PDE11A: variants seen among roughly 807,000 people sequenced by gnomAD.
The protein encoded by PDE11A is phosphodiesterase 11A.
PDE11A carries 100 observed loss-of-function variants against 100.5 expected under a neutral mutation model. That is an observed-to-expected ratio of 1.00 (90% confidence interval 0.85 to 1.18). PDE11A has a LOEUF of 1.18. PDE11A is among the 50% of genes most tolerant of loss of function. PDE11A has a pLI of 0.00. For synonymous variants in PDE11A, 381 were observed against 420.8 expected, an observed-to-expected ratio of 0.91 and a Z score of 1.16; for missense variants, 1,141 against 1,152.6, an observed-to-expected ratio of 0.99 and a Z score of 0.15.
chr2:178,096,982 G>A (rs1000170308), intron 2 of PDE11A, among the ~76,000 whole-genome samples: 2 of 152,146 alleles, frequency 1.3e-5, no homozygotes, highest in Non-Finnish European at 1.5e-5. Flanking sequence ...TGCCTCTGGG[G>A]TTCAAGCAAT....
intron 1 of PDE11A, among the ~76,000 whole-genome samples, chr2:178,058,931 C>T (rs1174358934): frequency 6.6e-6 from 1 of 152,236 alleles, no homozygotes. Context: ...GTCTAGGCCT[C>T]ATTCCAGTCT....
At chr2:177,912,666 AT>A (rs964588705) in intron 2 of PDE11A, among the ~76,000 whole-genome samples, 1 of 151,340 alleles carries the variant, frequency 6.6e-6, no homozygotes, top group Non-Finnish European at 1.5e-5. Flanking sequence ...TTCTAAAATA[AT>A]TTTTTTTTCT....
At chr2:177,718,094 G>A (rs1017815700) in intron 12 of PDE11A, among the ~76,000 whole-genome samples, 1 of 152,222 alleles carries the variant, frequency 6.6e-6, no homozygotes, top group African/African-American at 2.4e-5. Context: ...GTAGATTTGA[G>A]AAGAGGCCTG....
At chr2:177,678,959 G>A (rs921923150) in intron 16 of PDE11A, among the ~76,000 whole-genome samples, 1 of 151,638 alleles carries the variant, frequency 6.6e-6, no homozygotes, top group Admixed American at 6.6e-5. Flanking sequence ...ATCCTTGGGG[G>A]ACAGTTCTGT....
rs114331591 is a variant in PDE11A, at chr2:177,862,186, T to C, written c.1367+13673A>G. On this transcript the variant is annotated intron_variant, in intron 5 of 19. Coordinates refer to ENST00000286063, the MANE Select transcript of PDE11A (RefSeq NM_016953.4). ...TGATAAGGGACCTGTATACAAAGTA[T>C]ACCAAAAACTCCAAGACTCAGCAAT... Among the ~76,000 whole-genome samples, 549 of 151,882 alleles carry C rather than the reference T, an allele frequency of 3.6e-3. 2 individuals are homozygous for C. The highest frequency in any genetic ancestry group is 6.7e-3 in the Non-Finnish European group (457 of 67,750).
intron 18 of PDE11A, among the ~76,000 whole-genome samples, chr2:177,665,493 T>A (rs1261808558): frequency 0.011 from 1,547 of 142,304 alleles, 28 homozygotes; most frequent in African/African-American, 0.038. Flanking sequence ...AAAAAAATAA[T>A]AATAATAAAT....
chr2:177,799,588 T>A (rs2082755849), intron 9 of PDE11A, among the ~76,000 whole-genome samples: 1 of 152,124 alleles, frequency 6.6e-6, no homozygotes, highest in Non-Finnish European at 1.5e-5. Flanking sequence ...ACTACTAGAA[T>A]ATGAGAAGAA....
At chr2:177,675,265 A>G (rs1024923476) in intron 17 of PDE11A, among the ~76,000 whole-genome samples, 190 bp downstream of exon 17, 10 of 147,752 alleles carry the variant, frequency 6.8e-5, no homozygotes, top group African/African-American at 2.5e-4. Flanking sequence ...AGCACGATAA[A>G]AAAAAAAAAA....
chr2:177,921,228 T>A (rs1202474531), intron 2 of PDE11A, among the ~76,000 whole-genome samples: 1 of 151,798 alleles, frequency 6.6e-6, no homozygotes, highest in African/African-American at 2.4e-5. Context: ...GACAGCATGC[T>A]TTTTTATTGC....
At chr2:177,755,697 A>G (rs2082081778) in intron 10 of PDE11A, among the ~76,000 whole-genome samples, 3 of 152,218 alleles carry the variant, frequency 2.0e-5, no homozygotes, top group African/African-American at 4.8e-5. Flanking sequence ...AATGTCCCTG[A>G]TATTTTCCAA....
At chr2:178,011,622 T>C (rs1414739198) in intron 2 of PDE11A, among the ~76,000 whole-genome samples, 1 of 152,152 alleles carries the variant, frequency 6.6e-6, no homozygotes, top group Non-Finnish European at 1.5e-5. Context: ...TAGACAAAGG[T>C]AATTTTTAAA....
At chr2:177,956,878 G>A (rs2085570476) in intron 2 of PDE11A, among the ~76,000 whole-genome samples, 1 of 152,156 alleles carries the variant, frequency 6.6e-6, no homozygotes, top group South Asian at 2.1e-4. Flanking sequence ...CATGGACACA[G>A]GAAGGGGAAC....
exon 2 of PDE11A, chr2:178,104,453 T>A (rs1221601978): frequency 1.2e-6 from 2 of 1,614,024 alleles, no homozygotes; most frequent in Admixed American, 1.7e-5. Flanking sequence ...TCTTCTTGCC[T>A]GCTTCAGCAT....
At chr2:177,944,413 C>T (rs1431298546) in intron 2 of PDE11A, among the ~76,000 whole-genome samples, 1 of 152,182 alleles carries the variant, frequency 6.6e-6, no homozygotes, top group Admixed American at 6.5e-5. Flanking sequence ...CATCATTGAT[C>T]TTTGCAACAG....
chr2:177,750,478 C>T (rs1314458890), intron 10 of PDE11A, among the ~76,000 whole-genome samples: 1 of 152,210 alleles, frequency 6.6e-6, no homozygotes, highest in Non-Finnish European at 1.5e-5. Context: ...GGTCCTGCAG[C>T]ATTTCAGATT....
At chr2:177,958,732 A>C (rs1008381975) in intron 2 of PDE11A, among the ~76,000 whole-genome samples, 4 of 152,230 alleles carry the variant, frequency 2.6e-5, no homozygotes, top group Admixed American at 1.3e-4. Context: ...GGTTTAGTAG[A>C]GAAAAGTGCT....
chr2:178,076,261 G>C (rs910314164), upstream of PDE11A, among the ~76,000 whole-genome samples: 2 of 152,074 alleles, frequency 1.3e-5, no homozygotes, highest in Non-Finnish European at 2.9e-5. Flanking sequence ...AGATAAAGGA[G>C]ACTTCCTATT....
In PDE11A at chr2:177,840,290, G is replaced by A; in HGVS notation, c.1461C>T (p.Asn487=). The A allele has an allele frequency of 6.2e-7, 1 of 1,614,046 alleles. No individual in the cohort carries two copies. The highest frequency in any genetic ancestry group is 8.5e-7 in the Non-Finnish European group (1 of 1,179,914). The stretch of plus-strand genomic sequence containing the variant: ...GCGGATCCTGGTAGGCATCACTGAT[G>A]TTCACTGGAAGGCCTGTTGAAGCAA... The part of the protein sequence containing the change: ...ELVASTGLPV[N]ISDAYQDPRF... The change falls in exon 6 of 20, where the codon AAC becomes AAT. Residue 487 remains asparagine (N), a synonymous_variant. Transcript: ENST00000286063.
At chr2:177,639,194 C>T (rs960641386) in intron 19 of PDE11A, among the ~76,000 whole-genome samples, 2 of 152,196 alleles carry the variant, frequency 1.3e-5, no homozygotes, top group South Asian at 4.1e-4. Context: ...ACTCAGGAAC[C>T]ACTGTATTAT....
Sources: allele counts gnomAD v4.1 joint callset (sites outside exome capture counted in the v4.1 genomes callset), GRCh38; gene constraint gnomAD v4.1.1; transcripts MANE v1.5; gene names NCBI Gene and HGNC (gene_info 2026-07-23, HGNC 2026-07-21).